The following C1orf21 variants were observed in gnomAD, a reference collection of about 807,000 sequenced individuals.
The protein encoded by C1orf21 is chromosome 1 open reading frame 21, also known as uncharacterized protein C1orf21.
C1orf21 carries 3 observed loss-of-function variants against 18.7 expected under a neutral mutation model. The observed-to-expected ratio is 0.16, with a 90% CI of 0.07 to 0.42. The LOEUF is 0.42. Ranked by LOEUF, C1orf21 falls within the 10% of genes least tolerant of loss-of-function variation. The probability of loss-of-function intolerance (pLI) is 0.99; values close to 1 mark genes in which losing one functional copy is unlikely to be tolerated. For synonymous variants in C1orf21, 41 were observed against 46.4 expected, an observed-to-expected ratio of 0.88 and a Z score of 0.47; for missense variants, 104 against 143.6, an observed-to-expected ratio of 0.72 and a Z score of 1.41.
chr1:184,439,662 A>C (rs1275423525), intron 1 of C1orf21, among the ~76,000 whole-genome samples: 1 of 151,998 alleles, frequency 6.6e-6, no homozygotes, highest in Non-Finnish European at 1.5e-5. Flanking sequence ...CACTCAACCT[A>C]CATTATGGCT....
intron 1 of C1orf21, among the ~76,000 whole-genome samples, chr1:184,411,701 C>A (rs1205653691): frequency 6.6e-6 from 1 of 152,120 alleles, no homozygotes; most frequent in African/African-American, 2.4e-5. Flanking sequence ...GGATTGCAGG[C>A]GTGAGCCACC....
intron 5 of C1orf21, among the ~76,000 whole-genome samples, chr1:184,601,303 T>A (rs1659581480): frequency 6.6e-6 from 1 of 152,198 alleles, no homozygotes; most frequent in Non-Finnish European, 1.5e-5. Flanking sequence ...GCCTTTGCAT[T>A]TATTGGATGT....
At chr1:184,585,887 A>G (rs1247709986) in intron 3 of C1orf21, among the ~76,000 whole-genome samples, 1 of 152,112 alleles carries the variant, frequency 6.6e-6, no homozygotes, top group East Asian at 1.9e-4. Context: ...ATTTGGGTTG[A>G]TTCCATGTCT....
chr1:184,587,796 G>T (rs150286861), intron 3 of C1orf21, among the ~76,000 whole-genome samples: 9 of 151,428 alleles, frequency 5.9e-5, no homozygotes, highest in African/African-American at 2.2e-4. Context: ...TTATATTTTC[G>T]TAGAGATGGA....
rs1370968718 is a variant in C1orf21, at chr1:184,625,902, G to T, written c.*6346G>T. On this transcript the variant is annotated 3_prime_UTR_variant, in exon 6 of 6. Coordinates refer to ENST00000235307, the MANE Select transcript of C1orf21 (RefSeq NM_030806.4). The stretch of plus-strand genomic sequence containing the variant: ...ACACATAATAGACACATCCCTAACG[G>T]CGTGTGCCTGGTCCAGCCACATACA... 6.6e-6 allele frequency: 1 copy of T among 152,126 alleles called. No homozygotes were observed. The highest frequency in any genetic ancestry group is 1.5e-5 in the Non-Finnish European group (1 of 68,046). The allele number at this position is 152,126 out of a possible 1,614,324, so 9.4% of individuals were successfully genotyped here. A position where few individuals can be genotyped will look rare whatever the true frequency, so the allele number is the denominator to read the frequency against.
chr1:184,497,114 CA>C (rs1428815865), intron 2 of C1orf21, among the ~76,000 whole-genome samples: 1 of 152,162 alleles, frequency 6.6e-6, no homozygotes, highest in East Asian at 1.9e-4. Context: ...ACCCTCTCCT[CA>C]AAAGATAAAT....
intron 1 of C1orf21, among the ~76,000 whole-genome samples, chr1:184,467,178 T>C (rs917219231): frequency 5.9e-5 from 9 of 152,198 alleles, no homozygotes; most frequent in African/African-American, 1.9e-4. Context: ...AAAAGCCGTC[T>C]CATCTCTTCA....
At chr1:184,602,822 G>A (rs1558012471) in intron 5 of C1orf21, among the ~76,000 whole-genome samples, 1 of 152,066 alleles carries the variant, frequency 6.6e-6, no homozygotes, top group Non-Finnish European at 1.5e-5. Flanking sequence ...GGCAAAACAG[G>A]GATTTACATT....
At chr1:184,564,142 A>C (rs1354300163) in intron 3 of C1orf21, among the ~76,000 whole-genome samples, 1 of 152,200 alleles carries the variant, frequency 6.6e-6, no homozygotes, top group Non-Finnish European at 1.5e-5. Flanking sequence ...ACCTTAGGCA[A>C]ATTGCTGAAA....
At position 184,577,947 on chromosome 1, in the gene C1orf21, G is replaced by GTTTTGTTTTTTTTTTT. The variant is rs1571285782; in HGVS notation, c.190-12788_190-12787insGTTTTTTTTTTTTTTT. ...TCTTTGTCCGTTTGTTTTTTGTTTT[G>GTTTTGTTTTTTTTTTT]TTTTTGTTTTTTTTTTTTTTTTTTG... On this transcript the variant is annotated intron_variant, in intron 3 of 5. Transcript: ENST00000235307. Among the ~76,000 whole-genome samples the GTTTTGTTTTTTTTTTT allele has an allele frequency of 1.7e-4, 15 of 86,722 alleles. 1 individual carries two copies. The highest frequency in any genetic ancestry group is 3.3e-4 in the East Asian group (1 of 3,048). 56.9% of individuals were successfully genotyped at this position (86,722 alleles called of 152,430 possible).
intron 1 of C1orf21, among the ~76,000 whole-genome samples, chr1:184,437,566 C>G (rs1378437635): frequency 6.6e-6 from 1 of 151,986 alleles, no homozygotes; most frequent in Non-Finnish European, 1.5e-5. Flanking sequence ...TGTTTGTGTG[C>G]TTGCTGGGTG....
chr1:184,524,621 T>C lies in C1orf21; in HGVS notation c.189+16939T>C, dbSNP rs1658352744. ...GAATATAGAACTGGGTTTTTTTATA[T>C]AGAACTAGGGTTTTTTTTAATGACT... is the stretch of plus-strand genomic sequence containing the variant. On this transcript the variant is annotated intron_variant, in intron 3 of 5. Transcript: ENST00000235307. Among the ~76,000 whole-genome samples, 12 of 152,284 alleles carry C rather than the reference T, an allele frequency of 7.9e-5. 1 individual carries two copies. The South Asian group carries it at 2.5e-3, about 32-fold the overall frequency.
At chr1:184,412,251 G>A (rs1656366657) in intron 1 of C1orf21, 1 of 152,330 alleles carries the variant, frequency 6.6e-6, no homozygotes, top group South Asian at 2.1e-4. Flanking sequence ...TGTCAGTAGG[G>A]CAAGGATGGG....
intron 3 of C1orf21, among the ~76,000 whole-genome samples, chr1:184,556,687 C>T (rs1470950705): frequency 6.6e-6 from 1 of 152,088 alleles, no homozygotes; most frequent in Non-Finnish European, 1.5e-5. Flanking sequence ...GAAGGGGAAA[C>T]AGAATCAGAC....
intron 2 of C1orf21, among the ~76,000 whole-genome samples, chr1:184,486,490 A>T (rs1224860751): frequency 6.6e-6 from 1 of 152,148 alleles, no homozygotes; most frequent in Non-Finnish European, 1.5e-5. Flanking sequence ...CACAATTAGC[A>T]TGGAAGCACT....
Position 184,392,728 on chromosome 1 carries a change from C to T in C1orf21, c.-125+5360C>T, listed in dbSNP as rs538681413. ...GGCTGGCTTTGGCCTCTTAGTCCACCTTTGACAAGTATCCCTTTCATCTAT... is the reference window on the plus strand; with the variant it reads ...GGCTGGCTTTGGCCTCTTAGTCCACTTTTGACAAGTATCCCTTTCATCTAT... On this transcript the variant is annotated intron_variant, in intron 1 of 5. Coordinates refer to ENST00000235307, the MANE Select transcript of C1orf21 (RefSeq NM_030806.4). Among the ~76,000 whole-genome samples, 20 of 152,092 alleles carry T rather than the reference C, an allele frequency of 1.3e-4. No homozygotes were observed. In the South Asian group the frequency reaches 2.5e-3, roughly 19 times the overall value.
At chr1:184,524,122 C>T (rs906069398) in intron 3 of C1orf21, among the ~76,000 whole-genome samples, 10 of 152,130 alleles carry the variant, frequency 6.6e-5, no homozygotes, top group South Asian at 2.1e-4. Context: ...TGAGTTTGCA[C>T]GTTCTAAAAT....
At chr1:184,541,329 A>C (rs1246560688) in intron 3 of C1orf21, among the ~76,000 whole-genome samples, 4 of 152,156 alleles carry the variant, frequency 2.6e-5, no homozygotes, top group African/African-American at 9.7e-5. Context: ...TTGTTTATTT[A>C]AGCAAATATC....
chr1:184,527,540 G>A lies in C1orf21; in HGVS notation c.189+19858G>A, dbSNP rs149567836. ...TGAGGAACAGCGGGAGCAGAGGCCA[G>A]GGACTTAAAAGATGAGGGTGTCCAC... On this transcript the variant is annotated intron_variant, in intron 3 of 5. Transcript: ENST00000235307. Among the ~76,000 whole-genome samples the A allele has an allele frequency of 5.7e-4, 87 of 152,260 alleles. 1 individual carries two copies. Among genetic ancestry groups the A allele is most frequent in the African/African-American group, 2.0e-3 (83 of 41,564 alleles).
Sources: gnomAD v4.1 joint callset for allele counts (sites outside exome capture counted in the v4.1 genomes callset) on GRCh38, gnomAD v4.1.1 for gene constraint, MANE v1.5 for transcripts, NCBI Gene and HGNC (gene_info 2026-07-23, HGNC 2026-07-21) for gene names.